Variants in CDH6 observed in about 807,000 individuals in gnomAD.
The protein encoded by CDH6 is cadherin-6.
Under a neutral mutation model 78.0 loss-of-function variants are expected in CDH6, and 31 were observed. The ratio of observed to expected loss-of-function variants is 0.40; its 90% CI spans 0.30 to 0.54. The LOEUF (loss-of-function observed/expected upper bound fraction) is 0.54. CDH6 is among the 20% of genes least tolerant of loss of function. The probability of loss-of-function intolerance (pLI) is 0.56; values close to 1 mark genes in which losing one functional copy is unlikely to be tolerated. For synonymous variants in CDH6, 376 were observed against 368.8 expected, an observed-to-expected ratio of 1.02 and a Z score of -0.23; for missense variants, 724 against 975.9, an observed-to-expected ratio of 0.74 and a Z score of 3.44.
chr5:31,249,788 C>T (rs1741859638), intron 1 of CDH6: 1 of 152,218 alleles, frequency 6.6e-6, no homozygotes, highest in South Asian at 2.1e-4. Flanking sequence ...TCCAGTGCCT[C>T]CGGGAGCTGC....
At position 31,294,017 on chromosome 5, in the gene CDH6, A is replaced by G; in HGVS notation, c.284A>G (p.Asp95Gly). The G allele has an allele frequency of 6.2e-7, 1 of 1,612,870 alleles. No individual in the cohort carries two copies. The highest frequency in any genetic ancestry group is 8.5e-7 in the Non-Finnish European group (1 of 1,179,078). Residue 95 changes from aspartate (D) to glycine (G), a missense_variant, in exon 3 of 12, where the codon GAT becomes GGT. This residue lies in a region of CDH6 where 446 missense variants were observed against 684.5 expected (regional missense o/e 0.65). Transcript: ENST00000265071. The surrounding 1 kb of genome is among the most constrained non-coding windows in gnomAD (Gnocchi z 4.1). ...TCACTTAAATATATCCTTTCAGGAG[A>G]TGGAGCAGGAGATCTCTTCATTATT... ...DGSLKYILSGDGAGDLFIINE... is the reference protein window; with the variant it reads ...DGSLKYILSGGGAGDLFIINE...
intron 6 of CDH6, among the ~76,000 whole-genome samples, chr5:31,304,283 G>A (rs1737912702): frequency 6.6e-6 from 1 of 152,082 alleles, no homozygotes; most frequent in Non-Finnish European, 1.5e-5. Flanking sequence ...GAATCACCGG[G>A]GGAAGTGTTT....
At chr5:31,309,052 T>C (rs1738075741) in intron 7 of CDH6, among the ~76,000 whole-genome samples, 1 of 152,130 alleles carries the variant, frequency 6.6e-6, no homozygotes, top group African/African-American at 2.4e-5. Context: ...GTAAGTACAA[T>C]GCTGTTGCCT....
chr5:31,210,613 T>TC (rs1272499364), intron 1 of CDH6, among the ~76,000 whole-genome samples: 1 of 152,036 alleles, frequency 6.6e-6, no homozygotes, highest in Non-Finnish European at 1.5e-5. Context: ...CACCCCTCCT[T>TC]CCCCCAGCAG....
chr5:31,221,570 G>A (rs1437265707), intron 1 of CDH6, among the ~76,000 whole-genome samples: 1 of 152,094 alleles, frequency 6.6e-6, no homozygotes, highest in Non-Finnish European at 1.5e-5. Flanking sequence ...AGAAAAGACT[G>A]TCTTCAAAGA....
rs367973727 is a variant in CDH6 at position 31,208,923 on chromosome 5, G to A, written c.-129+15037G>A. 9.9e-5 allele frequency among the ~76,000 whole-genome samples: 15 copies of A among 152,144 alleles called. No homozygotes were observed. In the East Asian group the frequency reaches 1.7e-3, roughly 18 times the overall value. ...GTCCAATTTCATTCCTCAAGTGGCC[G>A]TCAATGCATGGAATAGGATCTTCAT... On this transcript the variant is annotated intron_variant, in intron 1 of 11. Transcript: ENST00000265071.
At chr5:31,268,335 G>A (rs1007812972) in intron 2 of CDH6, among the ~76,000 whole-genome samples, 1 of 152,184 alleles carries the variant, frequency 6.6e-6, no homozygotes, top group African/African-American at 2.4e-5. Context: ...AAATGCTTAT[G>A]TAAAGGTACT....
chr5:31,210,742 C>T (rs543119692), intron 1 of CDH6, among the ~76,000 whole-genome samples: 1 of 152,168 alleles, frequency 6.6e-6, no homozygotes, highest in South Asian at 2.1e-4. Context: ...ATACCTAATA[C>T]ACTATCAATG....
rs1289081425 is a variant in CDH6, at chr5:31,317,827, G to A, written c.1785G>A (p.Gly595=). Residue 595 remains glycine, a synonymous_variant, in exon 11 of 12, where the codon GGG becomes GGA. Coordinates refer to ENST00000265071, the MANE Select transcript of CDH6 (RefSeq NM_004932.4). ...TVRVCACDHH[G]NMQSCHAEAL... ...GGGTCTGTGCATGTGACCACCACGG[G>A]AACATGCAATCCTGCCATGCGGAGG... The A allele has an allele frequency of 3.7e-6, 6 of 1,613,984 alleles. No individual in the cohort carries two copies. The highest frequency in any genetic ancestry group is 5.1e-6 in the Non-Finnish European group (6 of 1,179,986).
intron 1 of CDH6, among the ~76,000 whole-genome samples, chr5:31,262,818 T>C (rs1260278391): frequency 6.6e-6 from 1 of 152,182 alleles, no homozygotes; most frequent in African/African-American, 2.4e-5. Context: ...CCACCACATC[T>C]GATTGCCACT....
Position 31,252,375 on chromosome 5 carries a change from C to T in CDH6, c.-128-14971C>T, listed in dbSNP as rs576513137. Among the ~76,000 whole-genome samples, 81 of 140,534 alleles carry T rather than the reference C, an allele frequency of 5.8e-4. 1 individual carries two copies. The highest frequency in any genetic ancestry group is 1.9e-3 in the African/African-American group (71 of 37,464). 92.2% of individuals were successfully genotyped at this position (140,534 alleles called of 152,430 possible). ...TGTATTTTTATTAATCATAAAAATG[C>T]TCATTTTACAAAAACTTTTTACTGA... On this transcript the variant is annotated intron_variant, in intron 1 of 11. Transcript: ENST00000265071.
chr5:31,308,284 T>C (rs902046980), intron 7 of CDH6, among the ~76,000 whole-genome samples: 10 of 152,108 alleles, frequency 6.6e-5, no homozygotes, highest in Admixed American at 2.6e-4. Flanking sequence ...TTGGTTTCTG[T>C]GAAAGAATCT....
Position 31,221,729 on chromosome 5 carries a change from G to T in CDH6, c.-129+27843G>T, listed in dbSNP as rs188316879. Among the ~76,000 whole-genome samples the T allele has an allele frequency of 1.7e-3, 259 of 152,264 alleles. 1 individual carries two copies. The highest frequency in any genetic ancestry group is 5.9e-3 in the African/African-American group (246 of 41,566). ...TAGGCACATTCGTCAGTTAATCAAT[G>T]CAAATGTCATGTAAGGTACTGGGGA... On this transcript the variant is annotated intron_variant, in intron 1 of 11. Transcript: ENST00000265071.
chr5:31,230,956 T>C (rs1285641538), intron 1 of CDH6, among the ~76,000 whole-genome samples: 3 of 152,220 alleles, frequency 2.0e-5, no homozygotes, highest in Non-Finnish European at 4.4e-5. Flanking sequence ...ATGTAAAACC[T>C]ACACATATAA....
intron 2 of CDH6, among the ~76,000 whole-genome samples, chr5:31,280,704 G>A (rs923815789): frequency 2.0e-5 from 3 of 152,094 alleles, no homozygotes; most frequent in East Asian, 1.9e-4. Context: ...TCGTCAGATA[G>A]TATGAATTTC....
chr5:31,315,995 C>T (rs1428648940), intron 8 of CDH6, among the ~76,000 whole-genome samples: 1 of 152,150 alleles, frequency 6.6e-6, no homozygotes, highest in African/African-American at 2.4e-5. Context: ...GTGGCTTTGT[C>T]ACCCATGTAT....
In CDH6 at chr5:31,299,449, AT is replaced by A. The variant is rs768592454; in HGVS notation, c.644-12del. 20 of 1,603,968 alleles carry A rather than the reference AT, an allele frequency of 1.2e-5. No homozygotes were observed. The African/African-American group carries it at 2.7e-4, about 21-fold the overall frequency. On this transcript the variant is annotated splice_polypyrimidine_tract_variant and intron_variant, in intron 4 of 11. Transcript: ENST00000265071. ...TTAATGCATCCCTTTGCACTCTTAA[AT>A]TTCACATCCACAGGTATTATCAAGA...
At chr5:31,229,588 A>AT (rs1162079878) in intron 1 of CDH6, among the ~76,000 whole-genome samples, 1 of 152,162 alleles carries the variant, frequency 6.6e-6, no homozygotes, top group African/African-American at 2.4e-5. Flanking sequence ...TAAGTGGTTA[A>AT]TTTTTTTATG....
At chr5:31,198,709 C>T (rs1440846959) in intron 1 of CDH6, among the ~76,000 whole-genome samples, 2 of 152,048 alleles carry the variant, frequency 1.3e-5, no homozygotes, top group Non-Finnish European at 2.9e-5. Flanking sequence ...CAGAGGGAAA[C>T]ATAAGAATAG....
Sources: allele counts gnomAD v4.1 joint callset (sites outside exome capture counted in the v4.1 genomes callset), GRCh38; gene constraint gnomAD v4.1.1; regional missense constraint gnomAD v4.1.1; non-coding constraint Gnocchi (gnomAD v3.1); transcripts MANE v1.5; gene names NCBI Gene and HGNC (gene_info 2026-07-23, HGNC 2026-07-21).